DOP1B: variants seen among roughly 807,000 people sequenced by gnomAD.
DOP1B encodes protein DOP1B.
DOP1B carries 174 observed loss-of-function variants against 233.5 expected under a neutral mutation model. The observed-to-expected ratio is 0.75, with a 90% confidence interval of 0.66 to 0.85. The LOEUF is 0.85. DOP1B is among the 40% of genes least tolerant of loss of function. The pLI is 0.00. For missense variants in DOP1B, 2,652 were observed against 2,846.6 expected (o/e 0.93, Z 1.56); for synonymous variants, 1,190 against 1,185.6 (o/e 1.00, Z -0.08).
In DOP1B at chr21:36,245,588, A is replaced by G; in HGVS notation, c.3608A>G (p.Gln1203Arg). The G allele has an allele frequency of 6.2e-7, 1 of 1,613,430 alleles. No individual in the cohort carries two copies. The highest frequency in any genetic ancestry group is 8.5e-7 in the Non-Finnish European group (1 of 1,179,904). Residue 1203 changes from glutamine (Q) to arginine (R), a missense_variant, in exon 19 of 37, where the codon CAG (glutamine) becomes CGG (arginine). Physicochemically the swap from Gln to Arg is conservative, Grantham distance 43 (BLOSUM62 1). Around this residue, in one of 3 missense-constraint regions of DOP1B, gnomAD observed 2,617 missense variants for 2,794.3 expected, o/e 0.94. Transcript: ENST00000691173. The surrounding 1 kb of genome is among the most constrained non-coding windows in gnomAD (Gnocchi z 5.5). Reference sequence around the variant, plus strand: ...GACGAGGAGGCGGACTTGGAGCTCCAGGCCCTCACCACATCCAGGCTGCTA... The same window carrying G: ...GACGAGGAGGCGGACTTGGAGCTCCGGGCCCTCACCACATCCAGGCTGCTA... ...SSDEEADLEL[Q>R]ALTTSRLLKQ...
At chr21:36,177,321 T>G (rs966309998) in intron 2 of DOP1B, among the ~76,000 whole-genome samples, 4 of 152,230 alleles carry the variant, frequency 2.6e-5, no homozygotes, top group African/African-American at 9.6e-5. Flanking sequence ...CGAGATGGTC[T>G]TTTTGAAAAG....
intron 32 of DOP1B, among the ~76,000 whole-genome samples, chr21:36,286,984 A>G (rs898984646): frequency 3.3e-5 from 5 of 151,952 alleles, no homozygotes; most frequent in Non-Finnish European, 4.4e-5. Context: ...AAAATTTATT[A>G]CTAATATACT....
intron 21 of DOP1B, among the ~76,000 whole-genome samples, chr21:36,249,839 G>A (rs779234820): frequency 3.3e-5 from 5 of 152,174 alleles, no homozygotes; most frequent in Non-Finnish European, 7.3e-5. Flanking sequence ...ACCACGGTGC[G>A]TTGTTGGCCT....
intron 15 of DOP1B, among the ~76,000 whole-genome samples, chr21:36,236,413 C>T (rs897650643): frequency 6.6e-6 from 1 of 152,332 alleles, no homozygotes; most frequent in Non-Finnish European, 1.5e-5. Context: ...AGCTGGTAGG[C>T]GTGGCTCTTT....
intron 12 of DOP1B, among the ~76,000 whole-genome samples, chr21:36,227,237 A>T (rs1025153022): frequency 4.0e-4 from 59 of 149,126 alleles, no homozygotes; most frequent in Admixed American, 2.0e-4. Flanking sequence ...TAAATAAAAT[A>T]AAATAAAATA....
At chr21:36,242,896 TAG>T (rs1429181698) in intron 18 of DOP1B, among the ~76,000 whole-genome samples, 1 of 152,202 alleles carries the variant, frequency 6.6e-6, no homozygotes. Context: ...GTCCATGGCA[TAG>T]AGTTTTTTTA....
Position 36,248,576 on chromosome 21 carries a change from G to A in DOP1B, c.4998+8G>A, listed in dbSNP as rs1216020632. 6.2e-7 allele frequency: 1 copy of A among 1,601,224 alleles called. No individual in the cohort carries two copies. The highest frequency in any genetic ancestry group is 8.5e-7 in the Non-Finnish European group (1 of 1,174,224). On this transcript the variant is annotated splice_region_variant and intron_variant, in intron 21 of 36. Transcript: ENST00000691173. Reference sequence around the variant, plus strand: ...TACTTTAAAACCACCAAAGTAAGAGGATGTCTCTGTAGTTCTGTCATTTAC... The same window carrying A: ...TACTTTAAAACCACCAAAGTAAGAGAATGTCTCTGTAGTTCTGTCATTTAC...
Position 36,234,683 on chromosome 21 carries a change from G to A in DOP1B, c.2622+1608G>A, listed in dbSNP as rs7279694. Among the ~76,000 whole-genome samples, 1,003 of 152,066 alleles carry A rather than the reference G, an allele frequency of 6.6e-3. 5 individuals are homozygous for A. Among genetic ancestry groups the A allele is most frequent in the African/African-American group, 0.019 (785 of 41,480 alleles). ...AGCTTCCCTGGTAGCTGGGACTACAGATGTGCGCCCTCACACCTGGCTAAT... is the reference window on the plus strand; with the variant it reads ...AGCTTCCCTGGTAGCTGGGACTACAAATGTGCGCCCTCACACCTGGCTAAT... On this transcript the variant is annotated intron_variant, in intron 15 of 36. Coordinates refer to ENST00000691173, the MANE Select transcript of DOP1B (RefSeq NM_001320714.2).
intron 2 of DOP1B, among the ~76,000 whole-genome samples, chr21:36,183,746 T>G (rs1278792274): frequency 6.6e-6 from 1 of 152,202 alleles, no homozygotes; most frequent in Non-Finnish European, 1.5e-5. Context: ...TTGTTCTGAG[T>G]GCCCGGGACA....
chr21:36,174,901 C>G (rs2066006872), intron 2 of DOP1B, among the ~76,000 whole-genome samples: 2 of 152,198 alleles, frequency 1.3e-5, no homozygotes, highest in African/African-American at 4.8e-5. Context: ...TGTTAGTCTG[C>G]TAGGGCTGCC....
chr21:36,193,768 G>T (rs2066259341), intron 2 of DOP1B, among the ~76,000 whole-genome samples: 1 of 152,136 alleles, frequency 6.6e-6, no homozygotes, highest in South Asian at 2.1e-4. Context: ...AACCTCCATG[G>T]TGGCCTTTAC....
chr21:36,219,601 AT>A, intron 10 of DOP1B, 109 bp downstream of exon 10: 3 of 1,468,676 alleles, frequency 2.0e-6, no homozygotes, highest in Non-Finnish European at 2.8e-6. Context: ...GAAAGCAGAG[AT>A]GCAGCAGGTG....
intron 1 of DOP1B, among the ~76,000 whole-genome samples, chr21:36,159,930 T>TA (rs2065855148): frequency 6.6e-6 from 1 of 152,232 alleles, no homozygotes; most frequent in African/African-American, 2.4e-5. Flanking sequence ...CTCTGACACT[T>TA]ACGTGTCCCA....
At chr21:36,179,061 T>C (rs1478284775) in intron 2 of DOP1B, among the ~76,000 whole-genome samples, 1 of 152,214 alleles carries the variant, frequency 6.6e-6, no homozygotes, top group Non-Finnish European at 1.5e-5. Context: ...TCCCACAGTA[T>C]GTGCCGTCTC....
intron 20 of DOP1B, among the ~76,000 whole-genome samples, chr21:36,248,033 A>T (rs2066989650): frequency 6.6e-6 from 1 of 152,138 alleles, no homozygotes; most frequent in Admixed American, 6.5e-5. Context: ...TGTATTTTTT[A>T]CTTGCTATCA....
Position 36,247,499 on chromosome 21 carries a change from C to T in DOP1B, c.4698-18C>T. ...TCTTTAAAAATTCTCAAACCAGTTTCTCTTTTCTTCACCACAGCACAACCT... is the reference window on the plus strand; with the variant it reads ...TCTTTAAAAATTCTCAAACCAGTTTTTCTTTTCTTCACCACAGCACAACCT... On this transcript the variant is annotated intron_variant, in intron 19 of 36. Transcript: ENST00000691173. 6.4e-7 allele frequency: 1 copy of T among 1,557,888 alleles called. No homozygotes were observed. The highest frequency in any genetic ancestry group is 8.7e-7 in the Non-Finnish European group (1 of 1,155,386).
chr21:36,258,977 T>G (rs1275146537), intron 23 of DOP1B, among the ~76,000 whole-genome samples: 1 of 132,142 alleles, frequency 7.6e-6, no homozygotes, highest in African/African-American at 3.1e-5. Context: ...TCACTGTTTT[T>G]TTTTTTTTTT....
chr21:36,269,201 G>T (rs1301979166), intron 26 of DOP1B, among the ~76,000 whole-genome samples: 1 of 152,058 alleles, frequency 6.6e-6, no homozygotes. Context: ...TGTTGCCCAG[G>T]CTGGAGTGCA....
intron 23 of DOP1B, among the ~76,000 whole-genome samples, chr21:36,258,590 C>T (rs962367411): frequency 1.3e-5 from 2 of 152,144 alleles, no homozygotes; most frequent in African/African-American, 4.8e-5. Flanking sequence ...GGGCAGCCCC[C>T]TATAGAAATG....
Sources: allele counts gnomAD v4.1 joint callset (sites outside exome capture counted in the v4.1 genomes callset), GRCh38; gene constraint gnomAD v4.1.1; regional missense constraint gnomAD v4.1.1; non-coding constraint Gnocchi (gnomAD v3.1); transcripts MANE v1.5; gene names NCBI Gene and HGNC (gene_info 2026-07-23, HGNC 2026-07-21).